The following RBPJ variants were observed in gnomAD, a reference collection of about 807,000 sequenced individuals.
The protein encoded by RBPJ is recombining binding protein suppressor of hairless.
RBPJ carries 9 observed loss-of-function variants against 67.8 expected under a neutral mutation model. That is an observed-to-expected ratio of 0.13 (90% confidence interval 0.08 to 0.23). The LOEUF (loss-of-function observed/expected upper bound fraction) is 0.23. Ranked by LOEUF, RBPJ falls within the 10% of genes least tolerant of loss-of-function variation. RBPJ has a pLI of 1.00. For synonymous variants in RBPJ, 198 were observed against 203.3 expected (o/e 0.97, Z 0.22); for missense variants, 305 against 595.6 (o/e 0.51, Z 5.08).
At chr4:26,194,346 A>G (rs554862205) in intron 1 of RBPJ, among the ~76,000 whole-genome samples, 2 of 152,242 alleles carry the variant, frequency 1.3e-5, no homozygotes, top group African/African-American at 4.8e-5. Context: ...ATAAACATGC[A>G]CATGAGCACA....
At chr4:26,405,513 T>C (rs1269726799) in intron 2 of RBPJ, among the ~76,000 whole-genome samples, 1 of 152,188 alleles carries the variant, frequency 6.6e-6, no homozygotes, top group Non-Finnish European at 1.5e-5. Flanking sequence ...TCAATAAATA[T>C]GTAGAGTTGT....
At chr4:26,202,879 T>C (rs1431224812) in intron 1 of RBPJ, among the ~76,000 whole-genome samples, 1 of 145,194 alleles carries the variant, frequency 6.9e-6, no homozygotes, top group Non-Finnish European at 1.5e-5. Flanking sequence ...ACCGTACCAC[T>C]GCACTCCAGC....
At chr4:26,263,670 A>T (rs1408775545) in intron 1 of RBPJ, among the ~76,000 whole-genome samples, 1 of 151,538 alleles carries the variant, frequency 6.6e-6, no homozygotes, top group African/African-American at 2.4e-5. Flanking sequence ...TTCCCGGATT[A>T]GAGCAATTCT....
upstream of RBPJ, among the ~76,000 whole-genome samples, chr4:26,158,689 A>T (rs763018651): frequency 1.3e-5 from 2 of 152,212 alleles, no homozygotes; most frequent in Non-Finnish European, 2.9e-5. Flanking sequence ...CAGACCTGGC[A>T]ATGAAAGAGA....
At chr4:26,230,398 T>A (rs1719237947) in intron 1 of RBPJ, among the ~76,000 whole-genome samples, 1 of 152,240 alleles carries the variant, frequency 6.6e-6, no homozygotes, top group Admixed American at 6.5e-5. Context: ...GATACTGTAA[T>A]ATGCTAGGCA....
At chr4:26,218,446 C>T (rs1256375076) in intron 1 of RBPJ, among the ~76,000 whole-genome samples, 4 of 152,238 alleles carry the variant, frequency 2.6e-5, no homozygotes, top group East Asian at 1.9e-4. Flanking sequence ...CTCTACCCCC[C>T]GAAGGGTACC....
At chr4:26,356,407 A>G (rs1410295492) in intron 1 of RBPJ, among the ~76,000 whole-genome samples, 4 of 152,204 alleles carry the variant, frequency 2.6e-5, no homozygotes, top group African/African-American at 7.2e-5. Context: ...AGGAGAGTGA[A>G]TCTGTTTAGC....
chr4:26,244,264 T>C (rs1306353951), intron 1 of RBPJ, among the ~76,000 whole-genome samples: 3 of 146,640 alleles, frequency 2.0e-5, no homozygotes, highest in African/African-American at 5.3e-5. Context: ...TACACATATG[T>C]GTACACATAT....
chr4:26,250,810 G>A (rs1720085459), intron 1 of RBPJ, among the ~76,000 whole-genome samples: 1 of 152,058 alleles, frequency 6.6e-6, no homozygotes, highest in African/African-American at 2.4e-5. Context: ...GTATTGCTTT[G>A]GTCACTTAAT....
intron 1 of RBPJ, among the ~76,000 whole-genome samples, chr4:26,256,705 A>T (rs1166232038): frequency 6.6e-6 from 1 of 152,240 alleles, no homozygotes; most frequent in Non-Finnish European, 1.5e-5. Flanking sequence ...TAAGGACGTA[A>T]GGACAAATTT....
At chr4:26,284,049 A>G (rs1721377211) in intron 1 of RBPJ, among the ~76,000 whole-genome samples, 1 of 152,176 alleles carries the variant, frequency 6.6e-6, no homozygotes, top group South Asian at 2.1e-4. Context: ...ATTTTCTTAC[A>G]ATATCCAAAA....
chr4:26,105,684 G>T, the RBPJ span, among the ~76,000 whole-genome samples: 13 of 152,042 alleles, frequency 8.6e-5, no homozygotes, highest in Non-Finnish European at 1.9e-4. Flanking sequence ...CGGAAAGATT[G>T]AAACAAAAAA....
chr4:26,368,599 CT>C (rs1191068047), intron 1 of RBPJ, among the ~76,000 whole-genome samples: 1 of 152,050 alleles, frequency 6.6e-6, no homozygotes, highest in East Asian at 1.9e-4. Context: ...CTAGAGTGTA[CT>C]TTAGAAGGAA....
intron 1 of RBPJ, among the ~76,000 whole-genome samples, chr4:26,270,063 C>T (rs1720828392): frequency 6.6e-6 from 1 of 151,610 alleles, no homozygotes; most frequent in Non-Finnish European, 1.5e-5. Context: ...AGGCGGATCA[C>T]CTGAGGTAAG....
At chr4:26,364,222 T>TA (rs1401130315) in intron 1 of RBPJ, among the ~76,000 whole-genome samples, 2 of 152,244 alleles carry the variant, frequency 1.3e-5, no homozygotes, top group Admixed American at 6.5e-5. Context: ...TGTTAGCAGT[T>TA]ATATTCTTAA....
intron 1 of RBPJ, among the ~76,000 whole-genome samples, chr4:26,277,251 G>A (rs1443022681): frequency 2.1e-5 from 3 of 142,478 alleles, no homozygotes; most frequent in Non-Finnish European, 3.0e-5. Flanking sequence ...CAGCCTGGGC[G>A]ACAGAGCAAG....
chr4:26,123,004 C>G, the RBPJ span, among the ~76,000 whole-genome samples: 3 of 152,156 alleles, frequency 2.0e-5, no homozygotes, highest in Non-Finnish European at 4.4e-5. Context: ...GAAGCACACT[C>G]CCCTCTCAGG....
intron 1 of RBPJ, among the ~76,000 whole-genome samples, chr4:26,185,805 A>C (rs6831163): frequency 0.22 from 32,995 of 152,152 alleles, 3,893 homozygotes; most frequent in Non-Finnish European, 0.26. Context: ...CACATCTATA[A>C]TCCCAGCACT....
At chr4:26,236,397 T>C (rs1719453220) in intron 1 of RBPJ, among the ~76,000 whole-genome samples, 1 of 152,092 alleles carries the variant, frequency 6.6e-6, no homozygotes, top group African/African-American at 2.4e-5. Flanking sequence ...AATTCAGGAG[T>C]GCCTCAGGTT....
Sources: gnomAD v4.1 joint callset for allele counts (sites outside exome capture counted in the v4.1 genomes callset) on GRCh38, gnomAD v4.1.1 for gene constraint, MANE v1.5 for transcripts, NCBI Gene and HGNC (gene_info 2026-07-23, HGNC 2026-07-21) for gene names.